PAX5: variants seen among roughly 807,000 people sequenced by gnomAD.
PAX5 encodes paired box 5, also known as paired box protein Pax-5.
PAX5 carries 9 observed loss-of-function variants against 43.7 expected under a neutral mutation model. The ratio of observed to expected loss-of-function variants is 0.21; its 90% CI spans 0.12 to 0.36. The LOEUF is 0.36. Among genes scored for constraint, PAX5 ranks in the 10% least tolerant of loss-of-function variants. The pLI is 1.00. For missense variants in PAX5, 383 were observed against 532.7 expected (o/e 0.72, Z 2.77); for synonymous variants, 228 against 214.3 (o/e 1.06, Z -0.56).
intron 7 of PAX5, among the ~76,000 whole-genome samples, chr9:36,915,613 T>C (rs35461088): frequency 0.27 from 41,723 of 152,064 alleles, 5,983 homozygotes; most frequent in South Asian, 0.36. Flanking sequence ...AATTAGCTTT[T>C]TGTCATCTGT....
chr9:36,933,463 G>A (rs1418157384), intron 6 of PAX5, among the ~76,000 whole-genome samples: 4 of 152,200 alleles, frequency 2.6e-5, no homozygotes, highest in Admixed American at 6.5e-5. Flanking sequence ...TTGCAGGTCC[G>A]TGGTGCCCCG....
Position 36,846,993 on chromosome 9 carries a change from T to C in PAX5, c.1013-64A>G, listed in dbSNP as rs1262043428. 6 of 1,202,190 alleles carry C rather than the reference T, an allele frequency of 5.0e-6. No individual in the cohort carries two copies. The East Asian group carries it at 1.4e-4, about 29-fold the overall frequency. The allele number at this position is 1,202,190 out of a possible 1,614,324, so 74.5% of individuals were successfully genotyped here. A position where few individuals can be genotyped will look rare whatever the true frequency, so the allele number is the denominator to read the frequency against. ...GTCAAATCCAGTTCAGAAAAGGCCCTGGGTCCCAGCCAGCCTGGTTGCCAA... is the reference window on the plus strand; with the variant it reads ...GTCAAATCCAGTTCAGAAAAGGCCCCGGGTCCCAGCCAGCCTGGTTGCCAA... On this transcript the variant is annotated intron_variant, in intron 8 of 9. Coordinates refer to ENST00000358127, the MANE Select transcript of PAX5 (RefSeq NM_016734.3).
chr9:36,986,493 C>A (rs556571635), intron 5 of PAX5, among the ~76,000 whole-genome samples: 5 of 152,088 alleles, frequency 3.3e-5, no homozygotes, highest in Non-Finnish European at 5.9e-5. Context: ...CGCGAGCGGG[C>A]GGCCTCCTTC....
At chr9:36,950,593 A>G (rs1488462768) in intron 6 of PAX5, among the ~76,000 whole-genome samples, 1 of 152,208 alleles carries the variant, frequency 6.6e-6, no homozygotes, top group East Asian at 1.9e-4. Flanking sequence ...GTTTCCTTCA[A>G]CTAAGATGAG....
intron 6 of PAX5, chr9:36,930,966 A>C: frequency 1.5e-6 from 1 of 660,440 alleles, no homozygotes; most frequent in Non-Finnish European, 2.5e-6. Context: ...TGGAGGAGAA[A>C]AGAAACACAG....
At chr9:36,886,178 C>T (rs1826892249) in intron 7 of PAX5, among the ~76,000 whole-genome samples, 1 of 152,200 alleles carries the variant, frequency 6.6e-6, no homozygotes, top group Non-Finnish European at 1.5e-5. Context: ...CAGCCGACCC[C>T]AAGTGCACTA....
chr9:37,015,339 A>T lies in PAX5; in HGVS notation c.213-145T>A. 1 of 659,806 alleles carries T rather than the reference A, an allele frequency of 1.5e-6. No homozygotes were observed. The highest frequency in any genetic ancestry group is 2.6e-5 in the East Asian group (1 of 38,720). 40.9% of individuals were successfully genotyped at this position (659,806 alleles called of 1,614,324 possible). The stretch of plus-strand genomic sequence containing the variant: ...CACCAGCCAGATGCGGCTTTTGAAC[A>T]TTTGAAATATGGCTAGTCTGAATCA... On this transcript the variant is annotated intron_variant, in intron 2 of 9. Transcript: ENST00000358127. The surrounding 1 kb of genome is among the most constrained non-coding windows in gnomAD (Gnocchi z 4.4).
chr9:36,914,263 T>C (rs1829551011), intron 7 of PAX5, among the ~76,000 whole-genome samples: 1 of 152,236 alleles, frequency 6.6e-6, no homozygotes, highest in Non-Finnish European at 1.5e-5. Flanking sequence ...GCAATTTCCA[T>C]GGTTTTAATA....
chr9:36,917,062 A>G (rs1829782323), intron 7 of PAX5, among the ~76,000 whole-genome samples: 1 of 152,198 alleles, frequency 6.6e-6, no homozygotes, highest in South Asian at 2.1e-4. Flanking sequence ...TACTTCTAAT[A>G]TTTTTAAATT....
chr9:36,866,151 G>A (rs1824857289), intron 8 of PAX5, among the ~76,000 whole-genome samples: 1 of 152,232 alleles, frequency 6.6e-6, no homozygotes, highest in South Asian at 2.1e-4. Context: ...TGCTCCTGGT[G>A]GCTGAAGAAG....
chr9:36,903,155 C>A lies in PAX5; in HGVS notation c.910+20200G>T, dbSNP rs924886685. 3.3e-5 allele frequency among the ~76,000 whole-genome samples: 5 copies of A among 152,180 alleles called. No homozygotes were observed. The East Asian group carries it at 7.7e-4, about 23-fold the overall frequency. On this transcript the variant is annotated intron_variant, in intron 7 of 9. Transcript: ENST00000358127. Reference sequence around the variant, plus strand: ...TTCACGACTTGTTCCTGAAGAGAACCAGACCTAAGTGGCATGATCCTTACC... The same window carrying A: ...TTCACGACTTGTTCCTGAAGAGAACAAGACCTAAGTGGCATGATCCTTACC...
intron 8 of PAX5, among the ~76,000 whole-genome samples, chr9:36,852,168 A>G (rs1342378055): frequency 6.6e-6 from 1 of 152,166 alleles, no homozygotes; most frequent in African/African-American, 2.4e-5. Flanking sequence ...ACCTTCTCTC[A>G]TTGAGAGAGA....
chr9:36,862,892 A>G (rs141883007), intron 8 of PAX5, among the ~76,000 whole-genome samples: 16 of 152,340 alleles, frequency 1.1e-4, no homozygotes, highest in African/African-American at 3.8e-4. Context: ...AAAAGGCCCA[A>G]TAAGATGCCC....
intron 3 of PAX5, among the ~76,000 whole-genome samples, chr9:37,009,653 C>A (rs1838760737): frequency 6.6e-6 from 1 of 152,142 alleles, no homozygotes; most frequent in Admixed American, 6.5e-5. Flanking sequence ...AATAATTTAA[C>A]TGTACATTTA....
At chr9:36,891,099 A>G (rs904676700) in intron 7 of PAX5, among the ~76,000 whole-genome samples, 1 of 152,216 alleles carries the variant, frequency 6.6e-6, no homozygotes, top group Non-Finnish European at 1.5e-5. Context: ...AGATTGCGCC[A>G]CTGCACTCCG....
At position 36,923,049 on chromosome 9, in the gene PAX5, G is replaced by A. The variant is rs1587980121; in HGVS notation, c.910+306C>T. 2.4e-5 allele frequency: 8 copies of A among 339,390 alleles called. 1 individual carries two copies. In the South Asian group the frequency reaches 8.2e-4, roughly 35 times the overall value. The allele number at this position is 339,390 out of a possible 1,614,324, so 21.0% of individuals were successfully genotyped here. On this transcript the variant is annotated intron_variant, in intron 7 of 9. Coordinates refer to ENST00000358127, the MANE Select transcript of PAX5 (RefSeq NM_016734.3). ...TGAAAGAAATAAACCCTAGGCCTCT[G>A]AACACTCAGCCCCACCCACGGGGGC...
intron 8 of PAX5, among the ~76,000 whole-genome samples, chr9:36,853,397 G>C (rs191361595): frequency 1.4e-4 from 22 of 152,002 alleles, no homozygotes; most frequent in Admixed American, 2.0e-4. Flanking sequence ...CTGAAGAAGG[G>C]GGCCTATTGA....
At chr9:36,845,128 T>C (rs1271021639) in intron 9 of PAX5, among the ~76,000 whole-genome samples, 3 of 152,172 alleles carry the variant, frequency 2.0e-5, no homozygotes, top group African/African-American at 7.2e-5. Flanking sequence ...ATGGCCTCCT[T>C]GGGGTCACCT....
chr9:36,848,580 G>C (rs185325918), intron 8 of PAX5, among the ~76,000 whole-genome samples: 2 of 152,262 alleles, frequency 1.3e-5, no homozygotes, highest in East Asian at 1.9e-4. Context: ...CTCCTCAGGT[G>C]GGGGAGTAGA....
Sources: allele counts gnomAD v4.1 joint callset (sites outside exome capture counted in the v4.1 genomes callset), GRCh38; gene constraint gnomAD v4.1.1; non-coding constraint Gnocchi (gnomAD v3.1); transcripts MANE v1.5; gene names NCBI Gene and HGNC (gene_info 2026-07-23, HGNC 2026-07-21).